MAF: variants seen among roughly 807,000 people sequenced by gnomAD.
MAF encodes the protein transcription factor Maf.
MAF carries 10 observed loss-of-function variants against 22.0 expected under a neutral mutation model. The observed-to-expected ratio is 0.45, with a 90% CI of 0.28 to 0.77. The LOEUF (loss-of-function observed/expected upper bound fraction) is 0.77. MAF is among the 30% of genes least tolerant of loss of function. The pLI, the probability that MAF is intolerant of heterozygous loss-of-function variation, is 0.12. For missense variants in MAF, 544 were observed against 548.4 expected (o/e 0.99, Z 0.08); for synonymous variants, 337 against 255.8 (o/e 1.32, Z -3.03).
At chr16:79,293,098 T>C in the MAF span, among the ~76,000 whole-genome samples, 1,744 of 152,298 alleles carry the variant, frequency 0.011, 32 homozygotes, top group African/African-American at 0.04. Context: ...CATTCTTTTA[T>C]TCCTTTACTT....
the MAF span, among the ~76,000 whole-genome samples, chr16:79,409,302 A>T: frequency 6.6e-6 from 1 of 152,196 alleles, no homozygotes; most frequent in Non-Finnish European, 1.5e-5. Context: ...TTGGCATGGA[A>T]AGGAAGTCGC....
At chr16:79,230,247 T>C in the MAF span, among the ~76,000 whole-genome samples, 452 of 152,258 alleles carry the variant, frequency 3.0e-3, 10 homozygotes, top group Admixed American at 0.023. Flanking sequence ...GGAAGCTCTC[T>C]TTGGCATTCT....
the MAF span, among the ~76,000 whole-genome samples, chr16:79,529,307 C>A: frequency 6.6e-6 from 1 of 152,110 alleles, no homozygotes; most frequent in Non-Finnish European, 1.5e-5. Flanking sequence ...AGTCTCTACC[C>A]CTCTCTAGCT....
chr16:79,390,721 A>G, the MAF span, among the ~76,000 whole-genome samples: 1 of 152,134 alleles, frequency 6.6e-6, no homozygotes, highest in African/African-American at 2.4e-5. Flanking sequence ...CTTAGAAACG[A>G]CTTGTGAGAT....
At chr16:79,557,483 T>C in the MAF span, among the ~76,000 whole-genome samples, 5 of 151,970 alleles carry the variant, frequency 3.3e-5, no homozygotes, top group African/African-American at 1.2e-4. Flanking sequence ...GAAACTAAGA[T>C]TGTTTTGGTT....
chr16:79,469,163 T>C, the MAF span, among the ~76,000 whole-genome samples: 1 of 152,332 alleles, frequency 6.6e-6, no homozygotes, highest in Non-Finnish European at 1.5e-5. Flanking sequence ...TGCCCATTTT[T>C]GTAAATACAG....
the MAF span, among the ~76,000 whole-genome samples, chr16:79,387,402 A>G: frequency 6.6e-6 from 1 of 152,214 alleles, no homozygotes; most frequent in Admixed American, 6.5e-5. Flanking sequence ...CATCCTCAGG[A>G]TCCCAACATC....
the MAF span, among the ~76,000 whole-genome samples, chr16:79,350,392 C>T: frequency 6.6e-6 from 1 of 152,210 alleles, no homozygotes; most frequent in South Asian, 2.1e-4. Context: ...TTTGAGTCTC[C>T]AGCTGTGGAC....
the MAF span, among the ~76,000 whole-genome samples, chr16:79,359,575 T>C: frequency 1.3e-5 from 2 of 152,218 alleles, no homozygotes; most frequent in Non-Finnish European, 2.9e-5. Context: ...ATTGCTGTTC[T>C]TTGAATGCAC....
chr16:79,391,872 AAGG>A, the MAF span, among the ~76,000 whole-genome samples: 170 of 136,922 alleles, frequency 1.2e-3, no homozygotes, highest in East Asian at 6.6e-3. Context: ...GGAGGAGGAG[AAGG>A]AGGAGGAGGA....
the MAF span, among the ~76,000 whole-genome samples, chr16:79,230,811 C>T: frequency 6.6e-6 from 1 of 152,052 alleles, no homozygotes; most frequent in Admixed American, 6.6e-5. Context: ...AGACTTGCCC[C>T]TGAGATCCTT....
chr16:79,310,739 G>A, the MAF span, among the ~76,000 whole-genome samples: 1 of 152,234 alleles, frequency 6.6e-6, no homozygotes, highest in Non-Finnish European at 1.5e-5. Flanking sequence ...GCAGGGTGGA[G>A]TGGTGTTATC....
the MAF span, among the ~76,000 whole-genome samples, chr16:79,241,808 C>T: frequency 6.6e-6 from 1 of 151,960 alleles, no homozygotes; most frequent in South Asian, 2.1e-4. Flanking sequence ...GTTGGGTTAC[C>T]CACAAAGGGA....
chr16:79,247,950 C>T, the MAF span, among the ~76,000 whole-genome samples: 1 of 152,192 alleles, frequency 6.6e-6, no homozygotes, highest in African/African-American at 2.4e-5. Context: ...CTTATAATTT[C>T]GGTTAAGGAC....
the MAF span, among the ~76,000 whole-genome samples, chr16:79,515,536 C>T: frequency 1.3e-5 from 2 of 152,192 alleles, no homozygotes; most frequent in African/African-American, 2.4e-5. Flanking sequence ...TTTAAGTAAG[C>T]GAGGCTAGGC....
chr16:79,495,774 G>C, the MAF span, among the ~76,000 whole-genome samples: 2 of 152,210 alleles, frequency 1.3e-5, no homozygotes, highest in East Asian at 3.9e-4. Flanking sequence ...CTTCTGCAAG[G>C]AGCAGAAACA....
At chr16:79,234,544 GTT>G in the MAF span, among the ~76,000 whole-genome samples, 1 of 152,188 alleles carries the variant, frequency 6.6e-6, no homozygotes, top group South Asian at 2.1e-4. Flanking sequence ...TGCAATCTGA[GTT>G]AGATTCATCT....
chr16:79,366,520 C>A, the MAF span, among the ~76,000 whole-genome samples: 2 of 152,148 alleles, frequency 1.3e-5, no homozygotes, highest in Non-Finnish European at 2.9e-5. Context: ...ATTTCCTGAC[C>A]TTCTAGACAC....
chr16:79,514,447 T>C, the MAF span, among the ~76,000 whole-genome samples: 2 of 152,184 alleles, frequency 1.3e-5, no homozygotes, highest in African/African-American at 4.8e-5. Flanking sequence ...AAATATAGTA[T>C]ATATACATGA....
Sources: allele counts gnomAD v4.1 joint callset (sites outside exome capture counted in the v4.1 genomes callset), GRCh38; gene constraint gnomAD v4.1.1; transcripts MANE v1.5; gene names NCBI Gene and HGNC (gene_info 2026-07-23, HGNC 2026-07-21).